FOXP2: variants seen among roughly 807,000 people sequenced by gnomAD.
FOXP2 encodes forkhead box protein P2.
FOXP2 carries 12 observed loss-of-function variants against 115.8 expected under a neutral mutation model. That is an observed-to-expected ratio of 0.10 (90% CI 0.07 to 0.17). The LOEUF is 0.17. Ranked by LOEUF, FOXP2 falls within the 10% of genes least tolerant of loss-of-function variation. The pLI is 1.00. For missense variants in FOXP2, 629 were observed against 843.5 expected, an observed-to-expected ratio of 0.75 and a Z score of 3.15; for synonymous variants, 328 against 297.7, an observed-to-expected ratio of 1.10 and a Z score of -1.05.
At chr7:114,452,074 T>C (rs942469708) in intron 2 of FOXP2, among the ~76,000 whole-genome samples, 2 of 152,048 alleles carry the variant, frequency 1.3e-5, no homozygotes, top group African/African-American at 4.8e-5. Flanking sequence ...GTATTCTCTC[T>C]ATATATTCAA....
chr7:114,462,173 C>T (rs1473708302), intron 2 of FOXP2, among the ~76,000 whole-genome samples: 1 of 138,836 alleles, frequency 7.2e-6, no homozygotes, highest in Non-Finnish European at 1.5e-5. Flanking sequence ...CCCAGCTACT[C>T]GGGAGGCTGA....
At chr7:114,455,491 G>A (rs1397540050) in intron 2 of FOXP2, among the ~76,000 whole-genome samples, 2 of 152,132 alleles carry the variant, frequency 1.3e-5, no homozygotes, top group East Asian at 3.9e-4. Context: ...AAAAAATAGA[G>A]TTTTCCAGCA....
At chr7:114,346,416 A>C (rs1172292348) in intron 2 of FOXP2, among the ~76,000 whole-genome samples, 1 of 151,804 alleles carries the variant, frequency 6.6e-6, no homozygotes, top group African/African-American at 2.4e-5. Flanking sequence ...ATTTAGAATA[A>C]TCCTATTACT....
intron 1 of FOXP2, among the ~76,000 whole-genome samples, chr7:114,155,110 C>G (rs1010816529): frequency 6.6e-6 from 1 of 152,146 alleles, no homozygotes; most frequent in Non-Finnish European, 1.5e-5. Flanking sequence ...CTGTTTCTGA[C>G]TCTTAACAAC....
intron 2 of FOXP2, among the ~76,000 whole-genome samples, chr7:114,385,982 T>C (rs1033906238): frequency 3.9e-5 from 6 of 152,216 alleles, no homozygotes; most frequent in Non-Finnish European, 7.3e-5. Flanking sequence ...AAGAGAACCA[T>C]GGAACCCAGT....
intron 3 of FOXP2, among the ~76,000 whole-genome samples, chr7:114,600,958 CTT>C (rs202150462): frequency 1.8e-3 from 257 of 139,906 alleles, no homozygotes; most frequent in Non-Finnish European, 1.8e-3. Context: ...TTGTCAGTAT[CTT>C]TTTTTTTTTT....
chr7:114,676,626 T>TGA (rs1807782595), intron 16 of FOXP2, among the ~76,000 whole-genome samples: 1 of 152,160 alleles, frequency 6.6e-6, no homozygotes, highest in Non-Finnish European at 1.5e-5. Flanking sequence ...CTAGGACAGG[T>TGA]GACAAGGCTA....
intron 2 of FOXP2, among the ~76,000 whole-genome samples, chr7:114,441,451 T>G (rs1240676045): frequency 6.6e-6 from 1 of 150,954 alleles, no homozygotes; most frequent in African/African-American, 2.4e-5. Flanking sequence ...AGACTCCATC[T>G]CAAAAAAAAA....
At chr7:114,619,394 G>A (rs1393747774) in intron 3 of FOXP2, among the ~76,000 whole-genome samples, 1 of 152,064 alleles carries the variant, frequency 6.6e-6, no homozygotes, top group Non-Finnish European at 1.5e-5. Flanking sequence ...TACATCATAT[G>A]AGGAGAATGT....
intron 2 of FOXP2, among the ~76,000 whole-genome samples, chr7:114,517,469 T>TA (rs1475141543): frequency 6.6e-6 from 1 of 152,210 alleles, no homozygotes; most frequent in African/African-American, 2.4e-5. Flanking sequence ...TGCAGTTTTT[T>TA]ATCTACATTT....
intron 1 of FOXP2, among the ~76,000 whole-genome samples, chr7:114,098,504 A>G (rs949568381): frequency 2.6e-5 from 4 of 152,184 alleles, no homozygotes; most frequent in African/African-American, 9.7e-5. Context: ...CGGTGCTGGG[A>G]AAACTGGATT....
intron 1 of FOXP2, among the ~76,000 whole-genome samples, chr7:114,204,254 G>A (rs1199065060): frequency 6.6e-6 from 1 of 152,108 alleles, no homozygotes; most frequent in Non-Finnish European, 1.5e-5. Context: ...ATTATCAACA[G>A]GTAATTGATA....
At chr7:114,513,174 A>G (rs960498574) in intron 2 of FOXP2, among the ~76,000 whole-genome samples, 8 of 152,174 alleles carry the variant, frequency 5.3e-5, no homozygotes, top group African/African-American at 1.9e-4. Flanking sequence ...GTTTGAGGAG[A>G]TTTAATGAAA....
At chr7:114,378,215 T>G (rs1190216732) in intron 2 of FOXP2, among the ~76,000 whole-genome samples, 2 of 152,180 alleles carry the variant, frequency 1.3e-5, no homozygotes, top group African/African-American at 4.8e-5. Flanking sequence ...TTATATCACT[T>G]CTGTCTCCAC....
intron 2 of FOXP2, among the ~76,000 whole-genome samples, chr7:114,297,665 C>T (rs998079017): frequency 1.3e-5 from 2 of 152,146 alleles, no homozygotes; most frequent in African/African-American, 2.4e-5. Context: ...TTAAGAGCTG[C>T]TTTAGTTCTT....
At chr7:114,453,735 T>G (rs558011644) in intron 2 of FOXP2, among the ~76,000 whole-genome samples, 3 of 152,108 alleles carry the variant, frequency 2.0e-5, no homozygotes, top group Non-Finnish European at 4.4e-5. Context: ...TATATCTCCC[T>G]TAAATAAACC....
chr7:114,345,224 G>T (rs1791318869), intron 2 of FOXP2, among the ~76,000 whole-genome samples: 1 of 151,692 alleles, frequency 6.6e-6, no homozygotes. Flanking sequence ...AGTGAAATTG[G>T]ATGTGTCCAA....
At chr7:114,103,887 T>C (rs1791048351) in intron 1 of FOXP2, among the ~76,000 whole-genome samples, 1 of 152,024 alleles carries the variant, frequency 6.6e-6, no homozygotes, top group African/African-American at 2.4e-5. Flanking sequence ...ATTCCTTCAA[T>C]CTCCCCCTTT....
intron 3 of FOXP2, among the ~76,000 whole-genome samples, chr7:114,539,785 T>C (rs1799568418): frequency 6.6e-6 from 1 of 152,032 alleles, no homozygotes; most frequent in Non-Finnish European, 1.5e-5. Flanking sequence ...GACATTGAGC[T>C]CATTACTACT....
Sources: allele counts gnomAD v4.1 joint callset (sites outside exome capture counted in the v4.1 genomes callset), GRCh38; gene constraint gnomAD v4.1.1; transcripts MANE v1.5; gene names NCBI Gene and HGNC (gene_info 2026-07-23, HGNC 2026-07-21).